WNT9B: variants seen among roughly 807,000 people sequenced by gnomAD.
WNT9B encodes the protein protein Wnt-9b.
In WNT9B, 12 loss-of-function variants were observed where a neutral mutation model predicts 30.2. That is an observed-to-expected ratio of 0.40 (90% CI 0.26 to 0.64). The LOEUF (loss-of-function observed/expected upper bound fraction) is 0.64, where lower values mean the gene tolerates loss of function less well. Ranked by LOEUF, WNT9B falls within the 30% of genes least tolerant of loss-of-function variation. The pLI, the probability that WNT9B is intolerant of heterozygous loss-of-function variation, is 0.42. For missense variants in WNT9B, 442 were observed against 485.2 expected (o/e 0.91, Z 0.84); for synonymous variants, 218 against 216.9 (o/e 1.01, Z -0.05).
chr17:46,854,981 T>C (rs2084915388), intron 1 of WNT9B, among the ~76,000 whole-genome samples: 1 of 152,140 alleles, frequency 6.6e-6, no homozygotes, highest in South Asian at 2.1e-4. Flanking sequence ...CATACAGCCA[T>C]CTCTCTCATC....
chr17:46,851,685 C>A lies in WNT9B; in HGVS notation c.47C>A (p.Ala16Glu), dbSNP rs952008274. Residue 16 changes from alanine (A) to glutamate (E), a missense_variant, in exon 1 of 4, where the codon GCG becomes GAG. Physicochemically the swap from Ala to Glu is moderately radical, Grantham distance 107. Transcript: ENST00000290015. The surrounding 1 kb of genome is among the most constrained non-coding windows in gnomAD (Gnocchi z 4.3). ...GCCCTGGCCGGGCTCTGCCTGCTGGCGCTGCCCGCCGCCGCCGCCTCCTAC... is the reference window on the plus strand; with the variant it reads ...GCCCTGGCCGGGCTCTGCCTGCTGGAGCTGCCCGCCGCCGCCGCCTCCTAC... ...ALALAGLCLL[A>E]LPAAAASYFG... is the part of the protein sequence containing the mutation. 3.8e-6 allele frequency: 5 copies of A among 1,308,696 alleles called. No individual in the cohort carries two copies. The highest frequency in any genetic ancestry group is 4.8e-6 in the Non-Finnish European group (5 of 1,033,442). 81.1% of individuals were successfully genotyped at this position (1,308,696 alleles called of 1,614,324 possible). A position where few individuals can be genotyped will look rare whatever the true frequency, so the allele number is the denominator to read the frequency against.
downstream of WNT9B, among the ~76,000 whole-genome samples, chr17:46,880,653 C>T (rs1754767155): frequency 6.6e-6 from 1 of 152,220 alleles, no homozygotes; most frequent in Non-Finnish European, 1.5e-5. Flanking sequence ...TGAGAAGCCT[C>T]CTCATTGCAA....
At chr17:46,837,005 T>C (rs1190879764) in intron 1 of WNT9B, among the ~76,000 whole-genome samples, 3 of 152,098 alleles carry the variant, frequency 2.0e-5, no homozygotes, top group Non-Finnish European at 4.4e-5. Flanking sequence ...TGCAGTGGCG[T>C]GATCTCGGCT....
intron 1 of WNT9B, among the ~76,000 whole-genome samples, chr17:46,841,501 C>T (rs533744385): frequency 6.2e-4 from 94 of 152,360 alleles, no homozygotes; most frequent in African/African-American, 2.2e-3. Context: ...CCCTGGTCCT[C>T]AAGGTCGTGC....
chr17:46,875,176 C>T lies in WNT9B; in HGVS notation c.410C>T (p.Ala137Val), dbSNP rs1462515354. 6.2e-7 allele frequency: 1 copy of T among 1,614,078 alleles called. No homozygotes were observed. Among genetic ancestry groups the T allele is most frequent in the Non-Finnish European group, 8.5e-7 (1 of 1,180,044 alleles). The change falls in exon 3 of 4, where the codon GCT becomes GTT. Residue 137 changes from alanine (A) to valine (V), a missense_variant. Physicochemically the swap from Ala to Val is moderately conservative, Grantham distance 64. Coordinates refer to ENST00000290015, the MANE Select transcript of WNT9B (RefSeq NM_003396.3). ...LTHTLARACSAGRMERCTCDD... is the reference protein window; with the variant it reads ...LTHTLARACSVGRMERCTCDD... ...CACACCCTGGCCCGGGCCTGCAGCG[C>T]TGGGCGCATGGAGCGCTGCACCTGT...
intron 1 of WNT9B, among the ~76,000 whole-genome samples, chr17:46,869,797 G>A (rs2085206825): frequency 6.6e-6 from 1 of 152,056 alleles, no homozygotes; most frequent in Non-Finnish European, 1.5e-5. Flanking sequence ...TCAGGAGTTC[G>A]AAACCAGCCT....
At chr17:46,848,675 T>C (rs1196451979), upstream of WNT9B, among the ~76,000 whole-genome samples, 1 of 152,262 alleles carries the variant, frequency 6.6e-6, no homozygotes, top group Admixed American at 6.5e-5. Flanking sequence ...CAAAGGTGTC[T>C]GTGAGTCAGG....
intron 1 of WNT9B, 132 bp from the exon 2 acceptor site, chr17:46,872,385 C>A: frequency 7.5e-7 from 1 of 1,329,552 alleles, no homozygotes; most frequent in Non-Finnish European, 9.8e-7. Flanking sequence ...AAAATGGGGA[C>A]GGGACCTCCA....
intron 1 of WNT9B, among the ~76,000 whole-genome samples, chr17:46,839,681 C>G (rs1430217205): frequency 6.6e-6 from 1 of 152,174 alleles, no homozygotes; most frequent in Non-Finnish European, 1.5e-5. Flanking sequence ...CTCCCTCCCC[C>G]AGTCCCCCCC....
intron 1 of WNT9B, among the ~76,000 whole-genome samples, chr17:46,838,576 A>G (rs1373129021): frequency 1.3e-5 from 2 of 152,074 alleles, no homozygotes; most frequent in Non-Finnish European, 2.9e-5. Context: ...GCAGTGAGCC[A>G]TGATGGCGCC....
At chr17:46,873,045 A>G (rs1038013397) in intron 2 of WNT9B, among the ~76,000 whole-genome samples, 1 of 151,452 alleles carries the variant, frequency 6.6e-6, no homozygotes, top group African/African-American at 2.4e-5. Context: ...GGAGGAGCTC[A>G]CAGATAAGAT....
chr17:46,851,245 G>A (rs2084838291), upstream of WNT9B, among the ~76,000 whole-genome samples: 1 of 151,952 alleles, frequency 6.6e-6, no homozygotes, highest in South Asian at 2.1e-4. The surrounding 1 kb of genome is among the most constrained non-coding windows in gnomAD (Gnocchi z 4.3). Flanking sequence ...GCTTGCCTCC[G>A]CCCCATCCCG....
In WNT9B at chr17:46,878,087, C is replaced by G. The variant is rs1568133532; in HGVS notation, c.*1369C>G. 6.6e-6 allele frequency among the ~76,000 whole-genome samples: 1 copy of G among 152,214 alleles called. No homozygotes were observed. The highest frequency in any genetic ancestry group is 6.5e-5 in the Admixed American group (1 of 15,274). ...AGGCTGGGGGTTCCTGTTGCACATG[C>G]CTCTCTTGTTCAGGATGAAGACCTT... On this transcript the variant is annotated 3_prime_UTR_variant, in exon 4 of 4. Coordinates refer to ENST00000290015, the MANE Select transcript of WNT9B (RefSeq NM_003396.3).
upstream of WNT9B, among the ~76,000 whole-genome samples, chr17:46,846,817 G>A (rs2084780794): frequency 6.6e-6 from 1 of 152,190 alleles, no homozygotes; most frequent in African/African-American, 2.4e-5. Context: ...GAAGTGAGAA[G>A]GCCTCGAACT....
At chr17:46,851,279 C>T (rs980903872), upstream of WNT9B, among the ~76,000 whole-genome samples, 14 of 151,930 alleles carry the variant, frequency 9.2e-5, no homozygotes, top group South Asian at 2.1e-4. The surrounding 1 kb of genome is among the most constrained non-coding windows in gnomAD (Gnocchi z 4.3). Flanking sequence ...TCCTCCGTCC[C>T]CGCCTCGTAC....
intron 1 of WNT9B, among the ~76,000 whole-genome samples, chr17:46,865,387 G>A (rs2085115640): frequency 6.6e-6 from 1 of 152,150 alleles, no homozygotes; most frequent in African/African-American, 2.4e-5. Context: ...AGCTGGACCC[G>A]GCTCTTTCCT....
upstream of WNT9B, among the ~76,000 whole-genome samples, chr17:46,851,325 C>T (rs892487948): frequency 6.6e-6 from 1 of 151,776 alleles, no homozygotes; most frequent in Non-Finnish European, 1.5e-5. The surrounding 1 kb of genome is among the most constrained non-coding windows in gnomAD (Gnocchi z 4.3). Flanking sequence ...GGGGGCTTCA[C>T]GTTCAGCCAC....
At chr17:46,837,774 T>G (rs2084651033) in intron 1 of WNT9B, among the ~76,000 whole-genome samples, 1 of 152,202 alleles carries the variant, frequency 6.6e-6, no homozygotes, top group Admixed American at 6.5e-5. Context: ...AGGACTGACC[T>G]GGTATATGCC....
intron 1 of WNT9B, among the ~76,000 whole-genome samples, chr17:46,870,742 T>A (rs542280002): frequency 6.6e-6 from 1 of 152,150 alleles, no homozygotes; most frequent in African/African-American, 2.4e-5. Context: ...GGCAGGTGAC[T>A]CCAAAGAGGA....
Sources: gnomAD v4.1 joint callset for allele counts (sites outside exome capture counted in the v4.1 genomes callset) on GRCh38, gnomAD v4.1.1 for gene constraint, Gnocchi (gnomAD v3.1) non-coding constraint, MANE v1.5 for transcripts, NCBI Gene and HGNC (gene_info 2026-07-23, HGNC 2026-07-21) for gene names.